The following MACROD2 variants were observed in gnomAD, a reference collection of about 807,000 sequenced individuals.
MACROD2 encodes the protein ADP-ribose glycohydrolase MACROD2.
In MACROD2, 36 loss-of-function variants were observed where a neutral mutation model predicts 70.4. The observed-to-expected ratio is 0.51, with a 90% confidence interval of 0.39 to 0.68. The LOEUF is 0.68. MACROD2 is among the 30% of genes least tolerant of loss of function. MACROD2 has a pLI of 0.00. For synonymous variants in MACROD2, 172 were observed against 178.8 expected, an observed-to-expected ratio of 0.96 and a Z score of 0.30; for missense variants, 496 against 538.4, an observed-to-expected ratio of 0.92 and a Z score of 0.78.
At chr20:14,870,862 C>G (rs994316336) in intron 5 of MACROD2, among the ~76,000 whole-genome samples, 1 of 151,992 alleles carries the variant, frequency 6.6e-6, no homozygotes, top group African/African-American at 2.4e-5. Context: ...TTGTGAGATG[C>G]ATAGTTAGCA....
At chr20:14,558,379 A>G (rs1421891842) in intron 4 of MACROD2, among the ~76,000 whole-genome samples, 1 of 151,788 alleles carries the variant, frequency 6.6e-6, no homozygotes, top group Non-Finnish European at 1.5e-5. Flanking sequence ...GTCTAAATAA[A>G]CTAATTAAAA....
intron 5 of MACROD2, among the ~76,000 whole-genome samples, chr20:15,052,793 A>T (rs1238197933): frequency 6.6e-6 from 1 of 152,252 alleles, no homozygotes; most frequent in Non-Finnish European, 1.5e-5. Context: ...CTTAGTGCGG[A>T]AGGCATGTTG....
At chr20:15,427,931 C>G (rs1442547376) in intron 6 of MACROD2, among the ~76,000 whole-genome samples, 1 of 152,152 alleles carries the variant, frequency 6.6e-6, no homozygotes, top group Non-Finnish European at 1.5e-5. Context: ...AGAGATGCTA[C>G]TGATATCTAG....
At chr20:14,990,294 G>A (rs999432791) in intron 5 of MACROD2, among the ~76,000 whole-genome samples, 1 of 152,074 alleles carries the variant, frequency 6.6e-6, no homozygotes, top group African/African-American at 2.4e-5. Context: ...CTTGAATAAT[G>A]CTGCAAAAGG....
intron 4 of MACROD2, among the ~76,000 whole-genome samples, chr20:14,494,764 T>C (rs972316727): frequency 3.9e-5 from 6 of 152,154 alleles, no homozygotes; most frequent in African/African-American, 1.4e-4. Context: ...TTAGAAAATA[T>C]GAATTTGTAG....
chr20:14,317,094 A>G (rs1211126718), intron 3 of MACROD2, among the ~76,000 whole-genome samples: 1 of 152,142 alleles, frequency 6.6e-6, no homozygotes, highest in African/African-American at 2.4e-5. Flanking sequence ...ATCCTTAAAC[A>G]CATTAAGCTG....
chr20:15,134,877 G>A (rs1355219466), intron 5 of MACROD2, among the ~76,000 whole-genome samples: 1 of 151,648 alleles, frequency 6.6e-6, no homozygotes, highest in African/African-American at 2.4e-5. Context: ...AATGATAAAG[G>A]GGATATCACC....
intron 5 of MACROD2, among the ~76,000 whole-genome samples, chr20:14,716,361 C>A (rs2071397165): frequency 6.6e-6 from 1 of 152,306 alleles, no homozygotes; most frequent in East Asian, 1.9e-4. Flanking sequence ...TACTCTTGCA[C>A]TGTGGAGCAG....
intron 3 of MACROD2, among the ~76,000 whole-genome samples, chr20:14,316,589 C>A (rs1438543820): frequency 1.3e-5 from 2 of 152,026 alleles, no homozygotes; most frequent in African/African-American, 4.8e-5. Context: ...TTTAGCTCAT[C>A]AGCTATCATT....
At chr20:14,071,085 A>G (rs376031076) in intron 2 of MACROD2, among the ~76,000 whole-genome samples, 18 of 152,260 alleles carry the variant, frequency 1.2e-4, no homozygotes, top group African/African-American at 4.3e-4. Context: ...GGAGTTTGAC[A>G]GTCCCATAGG....
intron 3 of MACROD2, among the ~76,000 whole-genome samples, chr20:14,272,040 G>A (rs2082200882): frequency 6.6e-6 from 1 of 152,044 alleles, no homozygotes. Context: ...AAAGTGATGG[G>A]GAGAATGGAA....
At chr20:14,014,525 GA>G (rs1449180071) in intron 2 of MACROD2, among the ~76,000 whole-genome samples, 7 of 152,148 alleles carry the variant, frequency 4.6e-5, no homozygotes, top group Non-Finnish European at 1.0e-4. Flanking sequence ...TTGAGCAGGA[GA>G]GCTACAGAAA....
chr20:15,636,076 GAAAAAAA>G (rs57402806), intron 8 of MACROD2, among the ~76,000 whole-genome samples: 2 of 85,830 alleles, frequency 2.3e-5, no homozygotes, highest in Non-Finnish European at 4.5e-5. Context: ...CCTCTCAAAA[GAAAAAAA>G]AAAAAAAAAG....
At chr20:15,062,610 A>C (rs1436489999) in intron 5 of MACROD2, among the ~76,000 whole-genome samples, 1 of 152,172 alleles carries the variant, frequency 6.6e-6, no homozygotes, top group Non-Finnish European at 1.5e-5. Context: ...TAAAAACTTA[A>C]TGCTCAACTT....
At chr20:15,327,284 A>G (rs754924648) in intron 6 of MACROD2, among the ~76,000 whole-genome samples, 14 of 152,162 alleles carry the variant, frequency 9.2e-5, no homozygotes, top group Non-Finnish European at 1.6e-4. Flanking sequence ...TTCTGGGTAC[A>G]GGGATTGCAC....
chr20:15,879,064 G>A (rs1156749363), intron 9 of MACROD2, among the ~76,000 whole-genome samples: 4 of 152,128 alleles, frequency 2.6e-5, no homozygotes, highest in Non-Finnish European at 5.9e-5. Context: ...TATGGTCTGT[G>A]CCTGGGAAGG....
intron 3 of MACROD2, among the ~76,000 whole-genome samples, chr20:14,252,312 T>A (rs776848949): frequency 6.6e-6 from 1 of 151,950 alleles, no homozygotes; most frequent in Admixed American, 6.6e-5. Flanking sequence ...TGTTCCCCCC[T>A]AATAATTATC....
At chr20:14,558,331 G>A (rs1344602687) in intron 4 of MACROD2, among the ~76,000 whole-genome samples, 2 of 151,568 alleles carry the variant, frequency 1.3e-5, no homozygotes, top group Non-Finnish European at 3.0e-5. Context: ...TTTTTAAAGG[G>A]CCTGGTATGT....
intron 10 of MACROD2, among the ~76,000 whole-genome samples, chr20:15,904,859 C>G (rs898554737): frequency 1.6e-4 from 22 of 134,684 alleles, no homozygotes; most frequent in Non-Finnish European, 2.7e-4. Flanking sequence ...CCAGCCTGCG[C>G]GAAAGAGAGA....
Sources: gnomAD v4.1 joint callset for allele counts (sites outside exome capture counted in the v4.1 genomes callset) on GRCh38, gnomAD v4.1.1 for gene constraint, MANE v1.5 for transcripts, NCBI Gene and HGNC (gene_info 2026-07-23, HGNC 2026-07-21) for gene names.